UMAD1: variants seen among roughly 807,000 people sequenced by gnomAD.
UMAD1 encodes the protein UBAP1-MVB12-associated (UMA) domain containing 1.
Under a neutral mutation model 6.1 loss-of-function variants are expected in UMAD1, and 8 were observed. The observed-to-expected ratio is 1.30, with a 90% CI of 0.76 to 2.35. The LOEUF (loss-of-function observed/expected upper bound fraction) is 2.35. Ranked by LOEUF, UMAD1 falls within the 30% of genes most tolerant of loss-of-function variation. The pLI, the probability that UMAD1 is intolerant of heterozygous loss-of-function variation, is 0.00. For synonymous variants in UMAD1, 56 were observed against 31.4 expected, an observed-to-expected ratio of 1.78 and a Z score of -2.61; for missense variants, 130 against 78.4, an observed-to-expected ratio of 1.66 and a Z score of -2.49.
chr7:7,836,183 A>G (rs549697126), intron 3 of UMAD1, among the ~76,000 whole-genome samples: 17 of 152,166 alleles, frequency 1.1e-4, no homozygotes, highest in African/African-American at 4.1e-4. Flanking sequence ...ATTTGTGTAC[A>G]ATAATTTAAC....
intron 1 of UMAD1, among the ~76,000 whole-genome samples, chr7:7,655,753 T>C (rs1256789623): frequency 6.6e-6 from 1 of 152,200 alleles, no homozygotes; most frequent in Non-Finnish European, 1.5e-5. Flanking sequence ...GGACAGGCTC[T>C]TTTTTATGTA....
intron 2 of UMAD1, among the ~76,000 whole-genome samples, chr7:7,710,919 G>A (rs1228368048): frequency 6.6e-6 from 1 of 152,174 alleles, no homozygotes; most frequent in African/African-American, 2.4e-5. Flanking sequence ...ATTATGCTGA[G>A]TGAAAAGAGC....
At chr7:7,667,500 G>C (rs2057929) in intron 1 of UMAD1, among the ~76,000 whole-genome samples, 87,958 of 151,994 alleles carry the variant, frequency 0.58, 25,717 homozygotes, top group East Asian at 0.8. Context: ...TCAGAAATAT[G>C]ATGGGCAGAG....
At chr7:7,822,612 C>T (rs1020490333) in intron 3 of UMAD1, among the ~76,000 whole-genome samples, 1 of 152,064 alleles carries the variant, frequency 6.6e-6, no homozygotes, top group Non-Finnish European at 1.5e-5. Flanking sequence ...CAGTTTATAT[C>T]TGTGCCTTAA....
At chr7:7,839,446 C>T (rs1783634759) in intron 3 of UMAD1, among the ~76,000 whole-genome samples, 1 of 152,180 alleles carries the variant, frequency 6.6e-6, no homozygotes, top group Admixed American at 6.5e-5. Flanking sequence ...AACTCCGGGG[C>T]TCAAGCCCTT....
intron 1 of UMAD1, among the ~76,000 whole-genome samples, chr7:7,665,259 A>G (rs1779413541): frequency 6.6e-6 from 1 of 152,182 alleles, no homozygotes. Flanking sequence ...GTGCTCTCCT[A>G]CCTCTATTCT....
intron 2 of UMAD1, among the ~76,000 whole-genome samples, chr7:7,774,837 G>A (rs1475664277): frequency 2.0e-5 from 3 of 152,126 alleles, no homozygotes; most frequent in Admixed American, 6.5e-5. Context: ...GTTGAGCAAA[G>A]CCCTTGAGTT....
chr7:7,779,064 A>G (rs1322297528), intron 2 of UMAD1, among the ~76,000 whole-genome samples: 1 of 152,166 alleles, frequency 6.6e-6, no homozygotes, highest in Non-Finnish European at 1.5e-5. Context: ...CACAGCTATC[A>G]TATGGTAGAA....
At chr7:7,663,849 C>T (rs562541129) in intron 1 of UMAD1, among the ~76,000 whole-genome samples, 1 of 152,160 alleles carries the variant, frequency 6.6e-6, no homozygotes, top group African/African-American at 2.4e-5. Context: ...AACTGATCTC[C>T]TATTCCTACA....
At chr7:7,752,637 TAGAAG>T in intron 2 of UMAD1, among the ~76,000 whole-genome samples, 1 of 152,214 alleles carries the variant, frequency 6.6e-6, no homozygotes, top group East Asian at 1.9e-4. Context: ...ATAGCATAAT[TAGAAG>T]AGATGCCAAA....
intron 1 of UMAD1, among the ~76,000 whole-genome samples, chr7:7,664,512 T>C (rs1779388607): frequency 6.6e-6 from 1 of 152,226 alleles, no homozygotes; most frequent in Admixed American, 6.5e-5. Flanking sequence ...TCTTTTGCAG[T>C]CTTGATTTCT....
chr7:7,751,746 C>G (rs991887321), intron 2 of UMAD1, among the ~76,000 whole-genome samples: 5 of 152,278 alleles, frequency 3.3e-5, no homozygotes, highest in Middle Eastern at 3.4e-3. Flanking sequence ...TTCAGGACCT[C>G]TGACTTGCAC....
intron 3 of UMAD1, among the ~76,000 whole-genome samples, chr7:7,802,059 A>T (rs1782810743): frequency 6.6e-6 from 1 of 152,270 alleles, no homozygotes; most frequent in Non-Finnish European, 1.5e-5. Flanking sequence ...AATAGGCAGT[A>T]TATTAACTTG....
chr7:7,697,312 C>G (rs763588951), intron 2 of UMAD1, among the ~76,000 whole-genome samples: 4 of 152,102 alleles, frequency 2.6e-5, no homozygotes, highest in Non-Finnish European at 4.4e-5. Flanking sequence ...GTGTTTATTG[C>G]TTTAATATCA....
At chr7:7,825,172 T>C (rs563435842) in intron 3 of UMAD1, among the ~76,000 whole-genome samples, 3 of 152,128 alleles carry the variant, frequency 2.0e-5, no homozygotes, top group Non-Finnish European at 2.9e-5. Flanking sequence ...GTAATCTTCC[T>C]ACAGGAAAAC....
chr7:7,791,412 T>C (rs1417012426), intron 2 of UMAD1, among the ~76,000 whole-genome samples: 2 of 152,172 alleles, frequency 1.3e-5, no homozygotes, highest in Non-Finnish European at 2.9e-5. Context: ...AAATTTACTC[T>C]GACATGGGAA....
At chr7:7,794,931 C>T (rs1782644344) in intron 2 of UMAD1, among the ~76,000 whole-genome samples, 1 of 152,190 alleles carries the variant, frequency 6.6e-6, no homozygotes. Flanking sequence ...TAACAAGAAC[C>T]TTGGCTTCCA....
chr7:7,719,746 G>A (rs1781006449), intron 2 of UMAD1, among the ~76,000 whole-genome samples: 1 of 152,314 alleles, frequency 6.6e-6, no homozygotes, highest in South Asian at 2.1e-4. Context: ...GAAGAATAAT[G>A]TGGAAAGAAA....
At chr7:7,672,170 C>T (rs1779622765) in intron 1 of UMAD1, among the ~76,000 whole-genome samples, 1 of 152,188 alleles carries the variant, frequency 6.6e-6, no homozygotes, top group African/African-American at 2.4e-5. Context: ...AAACTTGGAG[C>T]ACTTGCTGCC....
Sources: allele counts gnomAD v4.1 joint callset (sites outside exome capture counted in the v4.1 genomes callset), GRCh38; gene constraint gnomAD v4.1.1; transcripts MANE v1.5; gene names NCBI Gene and HGNC (gene_info 2026-07-23, HGNC 2026-07-21).